The following ACO1 variants were observed in gnomAD, a reference collection of about 807,000 sequenced individuals.
ACO1 encodes cytoplasmic aconitate hydratase.
Under a neutral mutation model 105.1 loss-of-function variants are expected in ACO1, and 78 were observed. The observed-to-expected ratio is 0.74, with a 90% CI of 0.62 to 0.90. The LOEUF (loss-of-function observed/expected upper bound fraction) is 0.90. ACO1 is among the 40% of genes least tolerant of loss of function. The pLI is 0.00. For missense variants in ACO1, 965 were observed against 1,111.1 expected (o/e 0.87, Z 1.87); for synonymous variants, 364 against 397.4 (o/e 0.92, Z 1.00).
In ACO1 at chr9:32,423,438, C is replaced by G. The variant is rs1486630369; in HGVS notation, c.1071+19C>G. The G allele has an allele frequency of 6.7e-7, 1 of 1,496,422 alleles. No homozygotes were observed. Among genetic ancestry groups the G allele is most frequent in the Non-Finnish European group, 9.2e-7 (1 of 1,085,526 alleles). The allele number at this position is 1,496,422 out of a possible 1,614,324, so 92.7% of individuals were successfully genotyped here. ...CACCCAGGTATGAGAGTGCCTTCCA[C>G]TGTGCATGTATTTCCTCTTCCTCAA... is the stretch of plus-strand genomic sequence containing the variant. On this transcript the variant is annotated intron_variant, in intron 9 of 20. Transcript: ENST00000309951.
At chr9:32,386,383 TG>T (rs1474409470) in intron 1 of ACO1, 1 of 152,262 alleles carries the variant, frequency 6.6e-6, no homozygotes, top group Non-Finnish European at 1.5e-5. Context: ...GGTGTCACTC[TG>T]AGTGGTGCTT....
intron 19 of ACO1, among the ~76,000 whole-genome samples, chr9:32,442,394 G>A (rs1050209082): frequency 6.6e-6 from 1 of 152,086 alleles, no homozygotes; most frequent in African/African-American, 2.4e-5. Context: ...TTAAAAGTGT[G>A]CCCTAGATAC....
At chr9:32,449,123 C>T (rs1418054403) in intron 20 of ACO1, 42 bp downstream of exon 20, 4 of 1,534,330 alleles carry the variant, frequency 2.6e-6, no homozygotes. Flanking sequence ...TCGAAAGGGG[C>T]CCCCTCGTTT....
intron 19 of ACO1, among the ~76,000 whole-genome samples, chr9:32,443,393 C>G (rs1563948344): frequency 6.6e-6 from 1 of 152,120 alleles, no homozygotes; most frequent in Non-Finnish European, 1.5e-5. Context: ...CACACAATTA[C>G]TGGAAATGAG....
intron 4 of ACO1, among the ~76,000 whole-genome samples, chr9:32,411,554 A>G (rs1309309168): frequency 6.6e-6 from 1 of 152,208 alleles, no homozygotes; most frequent in African/African-American, 2.4e-5. Flanking sequence ...GAAAAATAAT[A>G]GGTCCCTGAA....
chr9:32,434,416 A>C, intron 16 of ACO1, 143 bp from the exon 17 acceptor site: 2 of 954,372 alleles, frequency 2.1e-6, no homozygotes, highest in Non-Finnish European at 3.1e-6. Context: ...CCTCTTTGAT[A>C]AAAACTAGAA....
At chr9:32,421,688 A>G (rs1005353799) in intron 8 of ACO1, among the ~76,000 whole-genome samples, 2 of 152,164 alleles carry the variant, frequency 1.3e-5, no homozygotes, top group Non-Finnish European at 2.9e-5. Context: ...CAGGAGGTGG[A>G]GGTTATGGTG....
At chr9:32,427,211 G>T in intron 11 of ACO1, 90 bp from the exon 12 acceptor site, 1 of 1,507,898 alleles carries the variant, frequency 6.6e-7, no homozygotes, top group South Asian at 1.2e-5. Context: ...AGGAAATGCA[G>T]ACTGAAGAAA....
chr9:32,399,607 A>G (rs1253477004), intron 1 of ACO1, among the ~76,000 whole-genome samples: 1 of 152,218 alleles, frequency 6.6e-6, no homozygotes, highest in Non-Finnish European at 1.5e-5. Flanking sequence ...GTGAGTATAC[A>G]AGGCATCATT....
intron 19 of ACO1, among the ~76,000 whole-genome samples, chr9:32,441,536 C>T (rs1822479658): frequency 6.6e-6 from 1 of 152,118 alleles, no homozygotes. Flanking sequence ...GGTTATTTTG[C>T]TCTGAGGAAA....
intron 13 of ACO1, among the ~76,000 whole-genome samples, 153 bp from the exon 14 acceptor site, chr9:32,430,265 G>C (rs573163966): frequency 6.6e-6 from 1 of 152,324 alleles, no homozygotes; most frequent in Non-Finnish European, 1.5e-5. Context: ...GGACACCCCA[G>C]TGTACCCTTC....
At position 32,409,722 on chromosome 9, in the gene ACO1, T is replaced by C. The variant is rs62571736; in HGVS notation, c.404+1071T>C. On this transcript the variant is annotated intron_variant, in intron 4 of 20. Transcript: ENST00000309951. ...TTTAAAAATTAGCCATGTGTGGTGG[T>C]GTGTGCCTGTGGTCCCAGCTACTTA... 7.2e-4 allele frequency among the ~76,000 whole-genome samples: 110 copies of C among 151,910 alleles called. 1 individual carries two copies. Among genetic ancestry groups the C allele is most frequent in the Non-Finnish European group, 1.3e-3 (88 of 67,958 alleles).
intron 11 of ACO1, among the ~76,000 whole-genome samples, chr9:32,426,211 C>T (rs1477549806): frequency 6.6e-6 from 1 of 152,214 alleles, no homozygotes; most frequent in Non-Finnish European, 1.5e-5. Context: ...AATAGTCTCT[C>T]TTGAGAATTA....
At position 32,450,054 on chromosome 9, in the gene ACO1, C is replaced by G. The variant is rs760461901; in HGVS notation, c.2613C>G (p.Leu871=). ...TGAGGTTTGACACTGATGTGGAGCT[C>G]ACTTATTTCCTCAACGGGGGCATCC... ...AVMRFDTDVE[L]TYFLNGGILN... is the part of the protein sequence containing the mutation. Residue 871 remains leucine, a synonymous_variant, in exon 21 of 21, where the codon CTC becomes CTG. Transcript: ENST00000309951. 1 of 1,614,094 alleles carries G rather than the reference C, an allele frequency of 6.2e-7. No individual in the cohort carries two copies.
At chr9:32,418,709 G>T (rs1821905485) in intron 6 of ACO1, among the ~76,000 whole-genome samples, 198 bp downstream of exon 6, 1 of 152,142 alleles carries the variant, frequency 6.6e-6, no homozygotes, top group Admixed American at 6.6e-5. Context: ...TTGGAAGAAT[G>T]AACAGAAGCA....
intron 9 of ACO1, 127 bp from the exon 10 acceptor site, chr9:32,424,422 T>G (rs1822041666): frequency 1.5e-6 from 1 of 663,914 alleles, no homozygotes; most frequent in East Asian, 2.7e-5. Flanking sequence ...GCTTCCTTGT[T>G]TTGGAATGTG....
chr9:32,385,787 C>T (rs988502471), intron 1 of ACO1, among the ~76,000 whole-genome samples: 1 of 152,160 alleles, frequency 6.6e-6, no homozygotes, highest in African/African-American at 2.4e-5. Context: ...CATTTTATTA[C>T]TAGGAAAATG....
At chr9:32,426,489 A>G (rs1822100775) in intron 11 of ACO1, among the ~76,000 whole-genome samples, 1 of 152,160 alleles carries the variant, frequency 6.6e-6, no homozygotes, top group African/African-American at 2.4e-5. Context: ...TTTCCCTACT[A>G]TAAGGTCTCT....
chr9:32,407,448 C>A lies in ACO1; in HGVS notation c.266+19C>A. The A allele has an allele frequency of 6.2e-7, 1 of 1,603,906 alleles. No individual in the cohort carries two copies. On this transcript the variant is annotated intron_variant, in intron 3 of 20. Coordinates refer to ENST00000309951, the MANE Select transcript of ACO1 (RefSeq NM_002197.3). ...ACTTTACGTGAGCCTAATGTCACTT[C>A]ACTCTCCTTTGCCTCCCTCATTAGC...
Sources: gnomAD v4.1 joint callset for allele counts (sites outside exome capture counted in the v4.1 genomes callset) on GRCh38, gnomAD v4.1.1 for gene constraint, MANE v1.5 for transcripts, NCBI Gene and HGNC (gene_info 2026-07-23, HGNC 2026-07-21) for gene names.